The following ARK2N variants were observed in gnomAD, a reference collection of about 807,000 sequenced individuals.
ARK2N encodes protein ARK2N.
the ARK2N span, among the ~76,000 whole-genome samples, chr18:46,248,965 C>T: frequency 6.6e-6 from 1 of 152,146 alleles, no homozygotes; most frequent in South Asian, 2.1e-4. Flanking sequence ...CAGTCCTCTC[C>T]CAGCTTCCTG....
the ARK2N span, among the ~76,000 whole-genome samples, chr18:46,202,995 T>C: frequency 1.3e-5 from 2 of 151,894 alleles, no homozygotes; most frequent in South Asian, 2.1e-4. Flanking sequence ...ACCATGCTAG[T>C]GTTGGTAAAG....
the ARK2N span, among the ~76,000 whole-genome samples, chr18:46,251,850 G>A: frequency 6.7e-6 from 1 of 148,758 alleles, no homozygotes; most frequent in Non-Finnish European, 1.5e-5. Context: ...GTTTGAGACT[G>A]TCTGTAGCTT....
chr18:46,236,868 CT>C, the ARK2N span, among the ~76,000 whole-genome samples: 3,013 of 138,746 alleles, frequency 0.022, 66 homozygotes, highest in African/African-American at 0.062. Context: ...TTGTTTTTTG[CT>C]TTTTTTTTTT....
chr18:46,241,611 TG>T, the ARK2N span, among the ~76,000 whole-genome samples: 20 of 151,202 alleles, frequency 1.3e-4, no homozygotes, highest in Admixed American at 1.3e-4. Flanking sequence ...GGCGTGGTGG[TG>T]GGCGCCTGTA....
chr18:46,232,718 A>G, the ARK2N span: 1 of 152,196 alleles, frequency 6.6e-6, no homozygotes, highest in African/African-American at 2.4e-5. Context: ...GTTGTATTAA[A>G]TTACCACAGT....
the ARK2N span, among the ~76,000 whole-genome samples, chr18:46,182,410 A>G: frequency 1.3e-5 from 2 of 152,120 alleles, no homozygotes. Context: ...TGAAGGAGAT[A>G]GAAAATGACC....
chr18:46,232,513 T>C, the ARK2N span: 1 of 152,204 alleles, frequency 6.6e-6, no homozygotes, highest in African/African-American at 2.4e-5. Flanking sequence ...TTAATCCTAG[T>C]ACAGATAAAA....
chr18:46,184,917 G>A, the ARK2N span, among the ~76,000 whole-genome samples: 11 of 152,262 alleles, frequency 7.2e-5, no homozygotes, highest in Non-Finnish European at 1.0e-4. Context: ...GCATATTTGC[G>A]TATACACACA....
At chr18:46,261,759 A>G in the ARK2N span, among the ~76,000 whole-genome samples, 16 of 152,182 alleles carry the variant, frequency 1.1e-4, no homozygotes, top group African/African-American at 2.9e-4. Context: ...TGGCCCTGAG[A>G]GATCTGTTCT....
chr18:46,197,994 C>T, the ARK2N span, among the ~76,000 whole-genome samples: 12 of 152,102 alleles, frequency 7.9e-5, no homozygotes, highest in African/African-American at 2.4e-4. Context: ...GTTTTTCCTA[C>T]GATATTTCCA....
At chr18:46,222,947 T>C in the ARK2N span, among the ~76,000 whole-genome samples, 2 of 152,212 alleles carry the variant, frequency 1.3e-5, no homozygotes, top group Admixed American at 1.3e-4. Flanking sequence ...CTTTGATAAA[T>C]GCGTAAGTGG....
At chr18:46,175,112 A>ACCCCCCCCCCCCCCACCCCC in the ARK2N span, among the ~76,000 whole-genome samples, 2 of 133,418 alleles carry the variant, frequency 1.5e-5, no homozygotes, top group African/African-American at 5.7e-5. Context: ...AAAATTGTCC[A>ACCCCCCCCCCCCCCACCCCC]CCCCCCCGCC....
At chr18:46,182,670 A>G in the ARK2N span, among the ~76,000 whole-genome samples, 1 of 145,736 alleles carries the variant, frequency 6.9e-6, no homozygotes, top group South Asian at 2.1e-4. Context: ...TTAGAGAGTC[A>G]TTAGCCACAG....
At chr18:46,198,105 C>T in the ARK2N span, among the ~76,000 whole-genome samples, 2 of 151,952 alleles carry the variant, frequency 1.3e-5, no homozygotes, top group South Asian at 2.1e-4. Flanking sequence ...AGTTCAAAAC[C>T]GGCCTCACCA....
the ARK2N span, among the ~76,000 whole-genome samples, chr18:46,198,984 T>C: frequency 6.6e-6 from 1 of 152,218 alleles, no homozygotes; most frequent in Non-Finnish European, 1.5e-5. Context: ...CTTAGTTTTG[T>C]CATGATAATC....
the ARK2N span, among the ~76,000 whole-genome samples, chr18:46,210,531 G>A: frequency 6.6e-6 from 1 of 152,188 alleles, no homozygotes; most frequent in Non-Finnish European, 1.5e-5. Flanking sequence ...GGGTATTTGG[G>A]TGGACTGGTA....
At chr18:46,256,525 A>G in the ARK2N span, among the ~76,000 whole-genome samples, 1 of 152,278 alleles carries the variant, frequency 6.6e-6, no homozygotes, top group East Asian at 1.9e-4. Context: ...CACAATCCCT[A>G]TTCTACACTT....
chr18:46,239,358 A>G, the ARK2N span, among the ~76,000 whole-genome samples: 1 of 152,294 alleles, frequency 6.6e-6, no homozygotes, highest in East Asian at 1.9e-4. Flanking sequence ...GGAAATAGAA[A>G]TATCCCTCAT....
chr18:46,259,443 C>T, the ARK2N span, among the ~76,000 whole-genome samples: 10 of 151,848 alleles, frequency 6.6e-5, no homozygotes, highest in South Asian at 2.1e-4. Flanking sequence ...GGGGTTTCAC[C>T]GTGTTACCCA....
Sources: gnomAD v4.1 joint callset for allele counts (sites outside exome capture counted in the v4.1 genomes callset) on GRCh38, gnomAD v4.1.1 for gene constraint, MANE v1.5 for transcripts, NCBI Gene and HGNC (gene_info 2026-07-23, HGNC 2026-07-21) for gene names.